The following CCDC88B variants were observed in gnomAD, a reference collection of about 807,000 sequenced individuals.
CCDC88B encodes the protein coiled-coil domain-containing protein 88B.
CCDC88B carries 138 observed loss-of-function variants against 183.7 expected under a neutral mutation model. The ratio of observed to expected loss-of-function variants is 0.75; its 90% CI spans 0.65 to 0.87. CCDC88B has a LOEUF of 0.87. Among genes scored for constraint, CCDC88B ranks in the 40% least tolerant of loss-of-function variants. The pLI, the probability that CCDC88B is intolerant of heterozygous loss-of-function variation, is 0.00. For missense variants in CCDC88B, 1,822 were observed against 1,965.6 expected (o/e 0.93, Z 1.38); for synonymous variants, 835 against 867.5 (o/e 0.96, Z 0.66).
chr11:64,351,298 C>A, intron 17 of CCDC88B, 43 bp downstream of exon 17: 1 of 1,495,878 alleles, frequency 6.7e-7, no homozygotes. Context: ...GTGCCCCGTG[C>A]AGTGTGAGTG....
intron 5 of CCDC88B, 34 bp from the exon 6 acceptor site, chr11:64,341,387 T>A: frequency 2.5e-6 from 4 of 1,613,716 alleles, no homozygotes; most frequent in Non-Finnish European, 3.4e-6. Flanking sequence ...AGGAGGGAGA[T>A]CCTGCACCAG....
Position 64,355,621 on chromosome 11 carries a change from C to A in CCDC88B, c.4368C>A (p.Asn1456Lys). Residue 1456 changes from asparagine (N) to lysine (K), a missense_variant, in exon 26 of 27, where the codon AAC becomes AAA. Transcript: ENST00000356786. ...TGCAGGAACACGAAACAGATGCCAA[C>A]CGAGAGGGTGAGTGGGGGACTGTGG... ...ETLQEHETDA[N>K]REGPEVQEPE... 1 of 1,611,268 alleles carries A rather than the reference C, an allele frequency of 6.2e-7. No homozygotes were observed. The highest frequency in any genetic ancestry group is 1.1e-5 in the South Asian group (1 of 90,678).
intron 14 of CCDC88B, among the ~76,000 whole-genome samples, chr11:64,347,736 T>C (rs1206084622): frequency 1.3e-5 from 2 of 152,064 alleles, no homozygotes; most frequent in African/African-American, 4.8e-5. Context: ...GTTTTCTCAC[T>C]TGTAAAACTG....
chr11:64,343,848 C>A lies in CCDC88B; in HGVS notation c.1389C>A (p.Thr463=), dbSNP rs1181668037. 2 of 1,602,724 alleles carry A rather than the reference C, an allele frequency of 1.2e-6. No individual in the cohort carries two copies. The highest frequency in any genetic ancestry group is 3.4e-5 in the Admixed American group (2 of 58,426). Residue 463 remains threonine, a synonymous_variant, in exon 13 of 27, where the codon ACC becomes ACA. Transcript: ENST00000356786. ...AGGCAGAGGCTGGGCGGCTTCGGAC[C>A]CTTGAGAGGGAGAACCGGGAGCTTC... The part of the protein sequence containing the change: ...VREAEAGRLR[T]LERENRELRG...
Position 64,351,155 on chromosome 11 carries a change from T to G in CCDC88B, c.2863-5T>G. 6.8e-7 allele frequency: 1 copy of G among 1,472,736 alleles called. No homozygotes were observed. The highest frequency in any genetic ancestry group is 9.0e-7 in the Non-Finnish European group (1 of 1,114,002). 91.2% of individuals were successfully genotyped at this position (1,472,736 alleles called of 1,614,324 possible). A position where few individuals can be genotyped will look rare whatever the true frequency, so the allele number is the denominator to read the frequency against. On this transcript the variant is annotated splice_region_variant and splice_polypyrimidine_tract_variant and intron_variant, in intron 16 of 26. Transcript: ENST00000356786. ...CGCATGACCTCCCAGGGACTCTCCT[T>G]GCAGCTGCGCCAGGGCCCCGCGGGG...
At chr11:64,354,849 CCTCCTCCCCTCCTCTG>C in intron 24 of CCDC88B, among the ~76,000 whole-genome samples, 1 of 100,536 alleles carries the variant, frequency 9.9e-6, no homozygotes, top group African/African-American at 4.4e-5. Flanking sequence ...TGAGCCTCAG[CCTCCTCCCCTCCTCTG>C]ACCCCCTCCC....
intron 14 of CCDC88B, among the ~76,000 whole-genome samples, chr11:64,346,813 C>CT (rs1322763583): frequency 6.7e-6 from 1 of 150,200 alleles, no homozygotes; most frequent in African/African-American, 2.5e-5. Context: ...CTTTTCTTTT[C>CT]TTTTTTTGAG....
intron 14 of CCDC88B, 38 bp downstream of exon 14, chr11:64,345,195 C>T (rs1392774008): frequency 6.5e-7 from 1 of 1,528,354 alleles, no homozygotes; most frequent in Non-Finnish European, 8.7e-7. Context: ...GGTTGGGAAG[C>T]AGAGTTCCAG....
At chr11:64,354,699 C>CG (rs1239769827) in intron 24 of CCDC88B, among the ~76,000 whole-genome samples, 1 of 28,108 alleles carries the variant, frequency 3.6e-5, no homozygotes, top group Non-Finnish European at 8.9e-5. Context: ...CCGCCCCCCC[C>CG]CTCTGACCCC....
At chr11:64,353,892 A>T (rs901138605) in intron 23 of CCDC88B, 79 bp downstream of exon 23, 8 of 1,588,638 alleles carry the variant, frequency 5.0e-6, no homozygotes, top group Non-Finnish European at 6.9e-6. Flanking sequence ...CCCCAGGCCC[A>T]GCTCAGGTCC....
Position 64,347,921 on chromosome 11 carries a change from G to A in CCDC88B, c.2617-1410G>A, listed in dbSNP as rs532431996. Reference sequence around the variant, plus strand: ...CAAAATTAGTCGGGTGTGGTGGCACGCACCTGTAATCCCAGCTACTCGGGA... The same window carrying A: ...CAAAATTAGTCGGGTGTGGTGGCACACACCTGTAATCCCAGCTACTCGGGA... On this transcript the variant is annotated intron_variant, in intron 14 of 26. Transcript: ENST00000356786. Among the ~76,000 whole-genome samples the A allele has an allele frequency of 2.0e-5, 3 of 151,976 alleles. No individual in the cohort carries two copies. In the South Asian group the frequency reaches 6.3e-4, roughly 32 times the overall value.
At chr11:64,345,593 G>A (rs745440773) in intron 14 of CCDC88B, among the ~76,000 whole-genome samples, 25 of 152,232 alleles carry the variant, frequency 1.6e-4, no homozygotes, top group Non-Finnish European at 3.4e-4. Context: ...AGAGCCCATG[G>A]GAGGGTGAGC....
Position 64,341,755 on chromosome 11 carries a change from G to C in CCDC88B, c.675+13G>C, listed in dbSNP as rs372654482. 81 of 1,549,524 alleles carry C rather than the reference G, an allele frequency of 5.2e-5. No homozygotes were observed. The highest frequency in any genetic ancestry group is 6.9e-5 in the Non-Finnish European group (79 of 1,152,634). On this transcript the variant is annotated intron_variant, in intron 7 of 26. Coordinates refer to ENST00000356786, the MANE Select transcript of CCDC88B (RefSeq NM_032251.6). ...CCTGGGGGCCCAGGTAGGGGCAGCA[G>C]GGGCATCGTGGACTCAGGTTGGGGA...
In CCDC88B at chr11:64,351,195, G is replaced by A; in HGVS notation, c.2898G>A (p.Lys966=). The A allele has an allele frequency of 6.6e-7, 1 of 1,516,644 alleles. No homozygotes were observed. The highest frequency in any genetic ancestry group is 8.8e-7 in the Non-Finnish European group (1 of 1,133,874). 93.9% of individuals were successfully genotyped at this position (1,516,644 alleles called of 1,614,324 possible). A position where few individuals can be genotyped will look rare whatever the true frequency, so the allele number is the denominator to read the frequency against. ...GCCCCGCGGGGCTGGGGCCCAAAAA[G>A]CGTGCGGAGCCTCAGCTGGTGGAGA... The part of the protein sequence containing the change: ...RQGPAGLGPK[K]RAEPQLVETQ... The change falls in exon 17 of 27, where the codon AAG becomes AAA. Residue 966 remains lysine (K), a synonymous_variant. Coordinates refer to ENST00000356786, the MANE Select transcript of CCDC88B (RefSeq NM_032251.6).
intron 16 of CCDC88B, 51 bp downstream of exon 16, chr11:64,349,719 C>G (rs1565053384): frequency 6.7e-7 from 1 of 1,498,614 alleles, no homozygotes; most frequent in Non-Finnish European, 9.1e-7. Flanking sequence ...TGCCCTCCAT[C>G]CCATGAGCAG....
chr11:64,355,381 G>T lies in CCDC88B; in HGVS notation c.4287G>T (p.Ala1429=). 1 of 1,588,794 alleles carries T rather than the reference G, an allele frequency of 6.3e-7. No homozygotes were observed. Among genetic ancestry groups the T allele is most frequent in the East Asian group, 2.3e-5 (1 of 44,106 alleles). ...FRQRHPGPLG[A]PVSHSKGPGV... ...AGCGCCATCCAGGCCCCCTGGGGGCGCCCGTCTCCCACAGCAAAGGTGAGG... is the reference window on the plus strand; with the variant it reads ...AGCGCCATCCAGGCCCCCTGGGGGCTCCCGTCTCCCACAGCAAAGGTGAGG... Residue 1429 remains alanine, a synonymous_variant, in exon 25 of 27, where the codon GCG becomes GCT. Transcript: ENST00000356786.
intron 14 of CCDC88B, among the ~76,000 whole-genome samples, chr11:64,347,336 G>T (rs989803130): frequency 5.3e-5 from 8 of 152,238 alleles, no homozygotes; most frequent in African/African-American, 1.9e-4. Flanking sequence ...GTGAAAAGGC[G>T]CGAGGAAGGG....
At chr11:64,348,070 A>T (rs1201910454) in intron 14 of CCDC88B, among the ~76,000 whole-genome samples, 1 of 151,614 alleles carries the variant, frequency 6.6e-6, no homozygotes, top group Admixed American at 6.6e-5. Flanking sequence ...AAAAAAAAAA[A>T]AAAATTGTAC....
At chr11:64,355,447 G>A in intron 25 of CCDC88B, 47 bp downstream of exon 25, 1 of 1,582,256 alleles carries the variant, frequency 6.3e-7, no homozygotes, top group South Asian at 1.1e-5. Flanking sequence ...AACTCTTTGT[G>A]GACCCACCAG....
Sources: gnomAD v4.1 joint callset for allele counts (sites outside exome capture counted in the v4.1 genomes callset) on GRCh38, gnomAD v4.1.1 for gene constraint, MANE v1.5 for transcripts, NCBI Gene and HGNC (gene_info 2026-07-23, HGNC 2026-07-21) for gene names.